Variants in PLEKHH3 observed in about 807,000 individuals in gnomAD.
PLEKHH3 encodes pleckstrin homology, MyTH4 and FERM domain containing H3.
Under a neutral mutation model 77.8 loss-of-function variants are expected in PLEKHH3, and 57 were observed. The observed-to-expected ratio is 0.73, with a 90% CI of 0.59 to 0.91. The LOEUF is 0.91. Ranked by LOEUF, PLEKHH3 falls within the 40% of genes least tolerant of loss-of-function variation. PLEKHH3 has a pLI of 0.00. For missense variants in PLEKHH3, 1,082 were observed against 1,091.2 expected, an observed-to-expected ratio of 0.99 and a Z score of 0.12; for synonymous variants, 467 against 504.8, an observed-to-expected ratio of 0.93 and a Z score of 1.00.
At chr17:42,670,415 G>A (rs1474481737) in intron 10 of PLEKHH3, 39 bp from the exon 11 acceptor site, 8 of 1,462,010 alleles carry the variant, frequency 5.5e-6, no homozygotes, top group East Asian at 2.5e-5. Context: ...ACGAGCGGCG[G>A]CGGAACCGTC....
chr17:42,668,552 G>T (rs1000189149), intron 12 of PLEKHH3: 2 of 256,682 alleles, frequency 7.8e-6, no homozygotes, highest in Admixed American at 5.6e-5. Context: ...CCGCCTCCTG[G>T]GTTCACACCA....
In PLEKHH3 at chr17:42,670,697, G is replaced by T. The variant is rs757868240; in HGVS notation, c.1430C>A (p.Ala477Glu). The change falls in exon 10 of 13, where the codon GCG (alanine) becomes GAG (glutamate). Residue 477 changes from alanine to glutamate, a missense_variant. Transcript: ENST00000591022. The part of the protein sequence containing the change: ...DVLTRFENLA[A>E]EEAGLEDSPD... ...CGAGTCCTCCAACCCAGCTTCCTCC[G>T]CGGCCAAGCTGCAGAAGAGGAGCGG... 1 of 1,612,334 alleles carries T rather than the reference G, an allele frequency of 6.2e-7. No homozygotes were observed. Among genetic ancestry groups the T allele is most frequent in the Admixed American group, 1.7e-5 (1 of 60,006 alleles).
In PLEKHH3 at chr17:42,671,459, C is replaced by T; in HGVS notation, c.1176G>A (p.Leu392=). Residue 392 remains leucine (L), a synonymous_variant, in exon 8 of 13, where the codon CTG becomes CTA. Transcript: ENST00000591022. The surrounding 1 kb of genome is among the most constrained non-coding windows in gnomAD (Gnocchi z 4.7). Reference sequence around the variant, plus strand: ...GTTGGCTCAACGCGGAAATCTCCGCCAGCGAGGGCACCAGCTCTCTGCCGC... The same window carrying T: ...GTTGGCTCAACGCGGAAATCTCCGCTAGCGAGGGCACCAGCTCTCTGCCGC... The part of the protein sequence containing the change: ...RTRGRELVPS[L]AEISALSQRQ... 1.2e-6 allele frequency: 2 copies of T among 1,613,172 alleles called. No homozygotes were observed. The highest frequency in any genetic ancestry group is 1.7e-6 in the Non-Finnish European group (2 of 1,180,010).
At position 42,671,171 on chromosome 17, in the gene PLEKHH3, C is replaced by T. The variant is rs1240330094; in HGVS notation, c.1285-41G>A. ...GAGGGGAGACCACTCAGAGGTCTTGCCAGGATTCTGGGAGGGGTTGATTCA... is the reference window on the plus strand; with the variant it reads ...GAGGGGAGACCACTCAGAGGTCTTGTCAGGATTCTGGGAGGGGTTGATTCA... On this transcript the variant is annotated intron_variant, in intron 8 of 12. Transcript: ENST00000591022. This position sits in a 1 kb window ranked among gnomAD's most constrained non-coding sequence, Gnocchi z 4.7. 1.3e-6 allele frequency: 2 copies of T among 1,539,356 alleles called. No homozygotes were observed. Among genetic ancestry groups the T allele is most frequent in the Admixed American group, 2.0e-5 (1 of 48,848 alleles).
chr17:42,670,206 G>C lies in PLEKHH3; in HGVS notation c.1725C>G (p.Arg575=), dbSNP rs999367805. ...PPAPPREDPP[R]PTPRPPPSAA... Reference sequence around the variant, plus strand: ...CGGAAGGGGGCGGCCTGGGGGTCGGGCGGGGCGGGTCTTCGCGCGGCGGGG... The same window carrying C: ...CGGAAGGGGGCGGCCTGGGGGTCGGCCGGGGCGGGTCTTCGCGCGGCGGGG... The change falls in exon 11 of 13, where the codon CGC becomes CGG. Residue 575 remains arginine (R), a synonymous_variant. Transcript: ENST00000591022. 8.2e-7 allele frequency: 1 copy of C among 1,212,212 alleles called. No individual in the cohort carries two copies. The highest frequency in any genetic ancestry group is 1.0e-6 in the Non-Finnish European group (1 of 977,048). The allele number at this position is 1,212,212 out of a possible 1,614,324, so 75.1% of individuals were successfully genotyped here.
rs2052824459 is a variant in PLEKHH3, at chr17:42,676,261, CT to C, written c.162+140del. ...CTGCTGCTCCGAGAGCTCCCGGGGGCTTTGGCCCCCAGGCAAAAAACTCTCC... is the reference window on the plus strand; with the variant it reads ...CTGCTGCTCCGAGAGCTCCCGGGGGCTTGGCCCCCAGGCAAAAAACTCTCC... On this transcript the variant is annotated intron_variant, in intron 1 of 12. Coordinates refer to ENST00000591022, the MANE Select transcript of PLEKHH3 (RefSeq NM_024927.5). The surrounding 1 kb of genome is among the most constrained non-coding windows in gnomAD (Gnocchi z 6.6). 1 of 1,444,138 alleles carries C rather than the reference CT, an allele frequency of 6.9e-7. No homozygotes were observed. The highest frequency in any genetic ancestry group is 9.1e-7 in the Non-Finnish European group (1 of 1,094,532). 89.5% of individuals were successfully genotyped at this position (1,444,138 alleles called of 1,614,324 possible).
At position 42,672,372 on chromosome 17, in the gene PLEKHH3, G is replaced by T; in HGVS notation, c.790C>A (p.Arg264Ser). 6.5e-7 allele frequency: 1 copy of T among 1,533,870 alleles called. No homozygotes were observed. The change falls in exon 7 of 13, where the codon CGC (arginine) becomes AGC (serine). Residue 264 changes from arginine (R) to serine (S), a missense_variant. This residue lies in a region of PLEKHH3 where 733 missense variants were observed against 750.0 expected (regional missense o/e 0.98). Transcript: ENST00000591022. ...AAGAACAGCCGCACCGCCTCCTCGC[G>T]CAGGGGTGCATAGCCCGGACCTGTG... ...SAPGPGYAPLREEAVRLFLAL... is the reference protein window; with the variant it reads ...SAPGPGYAPLSEEAVRLFLAL...
chr17:42,671,624 C>T lies in PLEKHH3; in HGVS notation c.1077-66G>A, dbSNP rs1200813516. The T allele has an allele frequency of 1.4e-6, 2 of 1,468,008 alleles. No homozygotes were observed. Among genetic ancestry groups the T allele is most frequent in the Admixed American group, 2.1e-5 (1 of 46,536 alleles). 90.9% of individuals were successfully genotyped at this position (1,468,008 alleles called of 1,614,324 possible). ...TTCTTCTCCCCCTCCCTCTTGCCTG[C>T]TTCTCTTATAGTTTATTTTATCTAG... is the stretch of plus-strand genomic sequence containing the variant. On this transcript the variant is annotated intron_variant, in intron 7 of 12. Coordinates refer to ENST00000591022, the MANE Select transcript of PLEKHH3 (RefSeq NM_024927.5). This position sits in a 1 kb window ranked among gnomAD's most constrained non-coding sequence, Gnocchi z 4.7.
chr17:42,670,388 G>A lies in PLEKHH3; in HGVS notation c.1555-12C>T, dbSNP rs752157978. ...AGCAGAGCGTGAGCCTGCAGGGGAG[G>A]CACCCGGCGTCAGTGTACGAGCGGC... On this transcript the variant is annotated splice_polypyrimidine_tract_variant and intron_variant, in intron 10 of 12. Transcript: ENST00000591022. 150 of 1,442,610 alleles carry A rather than the reference G, an allele frequency of 1.0e-4. No homozygotes were observed. Among genetic ancestry groups the A allele is most frequent in the Non-Finnish European group, 1.3e-4 (139 of 1,106,376 alleles). The allele number at this position is 1,442,610 out of a possible 1,614,324, so 89.4% of individuals were successfully genotyped here.
At chr17:42,673,371 C>G (rs2052744550) in intron 5 of PLEKHH3, 28 bp downstream of exon 5, 2 of 1,611,782 alleles carry the variant, frequency 1.2e-6, no homozygotes, top group Non-Finnish European at 1.7e-6. Context: ...TGGGGTCCAC[C>G]ACTCTCCTGG....
Position 42,670,010 on chromosome 17 carries a change from C to T in PLEKHH3, c.1921G>A (p.Gly641Ser). Residue 641 changes from glycine to serine, a missense_variant, in exon 11 of 13, where the codon GGC becomes AGC. Gly to Ser is a moderately conservative substitution (Grantham distance 56). Around this residue, in one of 3 missense-constraint regions of PLEKHH3, gnomAD observed 733 missense variants for 750.0 expected, o/e 0.98. Transcript: ENST00000591022. ...TAGGCGGCCATGGCCTCAGCTCGGC[C>T]CATGCCCCGTAGCCGCTTCCAGCCG... ...LGGWKRLRGM[G>S]RAEAMAAYLA... 1 of 1,596,636 alleles carries T rather than the reference C, an allele frequency of 6.3e-7. No individual in the cohort carries two copies. The highest frequency in any genetic ancestry group is 1.1e-5 in the South Asian group (1 of 89,034).
intron 1 of PLEKHH3, 146 bp from the exon 2 acceptor site, chr17:42,674,555 G>A: frequency 1.6e-6 from 1 of 615,518 alleles, no homozygotes. Context: ...GCACGCTGGA[G>A]CCCCTGGGCT....
intron 9 of PLEKHH3, 74 bp downstream of exon 9, chr17:42,670,920 T>C (rs1345625153): frequency 1.5e-5 from 23 of 1,570,500 alleles, no homozygotes; most frequent in Admixed American, 5.9e-5. Context: ...CGCTGGATAA[T>C]GTCCGCTTAG....
chr17:42,669,465 C>T lies in PLEKHH3; in HGVS notation c.2170G>A (p.Val724Met), dbSNP rs1447542576. The T allele has an allele frequency of 1.3e-6, 2 of 1,577,920 alleles. No homozygotes were observed. The highest frequency in any genetic ancestry group is 1.7e-6 in the Non-Finnish European group (2 of 1,156,828). The change falls in exon 12 of 13, where the codon GTG becomes ATG. Residue 724 changes from valine to methionine, a missense_variant. By Grantham distance (21) the Val-to-Met change is conservative (BLOSUM62 1). This residue lies in a region of PLEKHH3 where 733 missense variants were observed against 750.0 expected (regional missense o/e 0.98). Coordinates refer to ENST00000591022, the MANE Select transcript of PLEKHH3 (RefSeq NM_024927.5). ...LMGPHTLALR[V>M]GESQLLLQSP... ...TGCAGGAGGAGCTGGCTCTCTCCCA[C>T]CCTCAAGGCCAGGGTGTGGGGGCCC...
At chr17:42,675,744 C>T (rs1033445621) in intron 1 of PLEKHH3, among the ~76,000 whole-genome samples, 9 of 152,344 alleles carry the variant, frequency 5.9e-5, no homozygotes, top group Non-Finnish European at 8.8e-5. Context: ...AATCGTGCCT[C>T]CGTTTCCCCA....
chr17:42,674,134 G>A (rs1314550981), intron 2 of PLEKHH3, 121 bp from the exon 3 acceptor site: 25 of 1,169,032 alleles, frequency 2.1e-5, no homozygotes, highest in Non-Finnish European at 2.8e-5. Context: ...CCAGGCTGTG[G>A]GAACCGCTGG....
At chr17:42,669,220 T>C (rs1374803166) in intron 12 of PLEKHH3, 2 of 457,034 alleles carry the variant, frequency 4.4e-6, no homozygotes, top group Non-Finnish European at 7.3e-6. Flanking sequence ...CATCACTCTT[T>C]CCTTTGTAGC....
rs1017651130 is a variant in PLEKHH3 at position 42,676,203 on chromosome 17, A to C, written c.162+199T>G. The C allele has an allele frequency of 2.9e-6, 4 of 1,372,058 alleles. No individual in the cohort carries two copies. The highest frequency in any genetic ancestry group is 3.8e-6 in the Non-Finnish European group (4 of 1,049,394). 85.0% of individuals were successfully genotyped at this position (1,372,058 alleles called of 1,614,324 possible). A position where few individuals can be genotyped will look rare whatever the true frequency, so the allele number is the denominator to read the frequency against. On this transcript the variant is annotated intron_variant, in intron 1 of 12. Transcript: ENST00000591022. The surrounding 1 kb of genome is among the most constrained non-coding windows in gnomAD (Gnocchi z 6.6). ...AGCAGGTGGATAGCGCCCAGCCTGC[A>C]GCGGGAGGCCCACAGGCACATCCCG...
chr17:42,668,463 T>C (rs1441565860), intron 12 of PLEKHH3, 160 bp from the exon 13 acceptor site: 1 of 566,818 alleles, frequency 1.8e-6, no homozygotes, highest in Non-Finnish European at 2.8e-6. Flanking sequence ...CCTTCATTTC[T>C]TTTTTGTTTT....
Sources: allele counts gnomAD v4.1 joint callset (sites outside exome capture counted in the v4.1 genomes callset), GRCh38; gene constraint gnomAD v4.1.1; regional missense constraint gnomAD v4.1.1; non-coding constraint Gnocchi (gnomAD v3.1); transcripts MANE v1.5; gene names NCBI Gene and HGNC (gene_info 2026-07-23, HGNC 2026-07-21).